The following OR1J1 variants were observed in gnomAD, a reference collection of about 807,000 sequenced individuals.
The protein encoded by OR1J1 is olfactory receptor 1J1.
For synonymous variants in OR1J1, 165 were observed against 157.2 expected, an observed-to-expected ratio of 1.05 and a Z score of -0.37; for missense variants, 392 against 393.9, an observed-to-expected ratio of 1.00 and a Z score of 0.04.
Position 122,477,114 on chromosome 9 carries a change from G to GTTCTTGTCA in OR1J1, c.804_812dup (p.Asp269_Asn271dup). ...CTGTGTATATCACTGAAGCAATTAT[G>GTTCTTGTCA]TTCTTGTCATTGGTGTTGCTGGATG... On this transcript the variant is annotated inframe_insertion, in exon 1 of 1. Transcript: ENST00000259357. 1 of 1,613,856 alleles carries GTTCTTGTCA rather than the reference G, an allele frequency of 6.2e-7. No homozygotes were observed. The highest frequency in any genetic ancestry group is 8.5e-7 in the Non-Finnish European group (1 of 1,179,724).
In OR1J1 at chr9:122,477,467, C is replaced by A. The variant is rs774300824; in HGVS notation, c.460G>T (p.Ala154Ser). The A allele has an allele frequency of 6.2e-7, 1 of 1,613,954 alleles. No individual in the cohort carries two copies. The highest frequency in any genetic ancestry group is 2.2e-5 in the East Asian group (1 of 44,842). The change falls in exon 1 of 1, where the codon GCG becomes TCG. Residue 154 changes from alanine to serine, a missense_variant. Transcript: ENST00000259357. ...LVAGSWVIAC[A>S]CALLHTLLLA... ...AGGAGGGTATGCAAAAGAGCACACG[C>A]ACAAGCGATGACCCAGGACCCAGCC...
chr9:122,477,182 T>A lies in OR1J1; in HGVS notation c.745A>T (p.Thr249Ser). Residue 249 changes from threonine (T) to serine (S), a missense_variant, in exon 1 of 1, where the codon ACT (threonine) becomes TCT (serine). Thr to Ser is a moderately conservative substitution (Grantham distance 58, BLOSUM62 1). Coordinates refer to ENST00000259357, the MANE Select transcript of OR1J1 (RefSeq NM_001004451.1). ...STCGSHLSVVTIYYRTIIGLY... is the reference protein window; with the variant it reads ...STCGSHLSVVSIYYRTIIGLY... Reference sequence around the variant, plus strand: ...CCAATAATTGTCCGATAATAGATAGTCACCACTGAGAGGTGGGATCCACAA... The same window carrying A: ...CCAATAATTGTCCGATAATAGATAGACACCACTGAGAGGTGGGATCCACAA... 1.2e-6 allele frequency: 2 copies of A among 1,614,202 alleles called. No individual in the cohort carries two copies. Among genetic ancestry groups the A allele is most frequent in the East Asian group, 2.2e-5 (1 of 44,888 alleles).
Position 122,477,615 on chromosome 9 carries a change from G to A in OR1J1, c.312C>T (p.Phe104=), listed in dbSNP as rs1839586761. The change falls in exon 1 of 1, where the codon TTC becomes TTT. Residue 104 remains phenylalanine (F), a synonymous_variant. Transcript: ENST00000259357. The part of the protein sequence containing the change: ...YKGCISQTYF[F]IFFADLDSFL... ...AACTGTCTAAGTCAGCAAAAAATAT[G>A]AAAAAATATGTCTGTGAAATGCATC... The A allele has an allele frequency of 6.2e-7, 1 of 1,614,046 alleles. No individual in the cohort carries two copies.
In OR1J1 at chr9:122,477,234, G is replaced by GGT. The variant is rs768922106; in HGVS notation, c.691_692dup (p.Lys232ProfsTer18). 2 of 1,613,752 alleles carry GGT rather than the reference G, an allele frequency of 1.2e-6. No homozygotes were observed. The highest frequency in any genetic ancestry group is 2.2e-5 in the East Asian group (1 of 44,856). ...TGGACAAGGCTTTGCATATGCCCTT[G>GGT]GTAGAGGGAATCTGGAGGATGGTGA... On this transcript the variant is annotated frameshift_variant, in exon 1 of 1. Coordinates refer to ENST00000259357, the MANE Select transcript of OR1J1 (RefSeq NM_001004451.1). LOFTEE classifies it low-confidence loss of function (END_TRUNC).
At position 122,477,366 on chromosome 9, in the gene OR1J1, C is replaced by A; in HGVS notation, c.561G>T (p.Leu187Phe). 1 of 1,614,058 alleles carries A rather than the reference C, an allele frequency of 6.2e-7. No individual in the cohort carries two copies. The highest frequency in any genetic ancestry group is 8.5e-7 in the Non-Finnish European group (1 of 1,179,956). The change falls in exon 1 of 1, where the codon TTG (leucine) becomes TTT (phenylalanine). Residue 187 changes from leucine (L) to phenylalanine (F), a missense_variant. Transcript: ENST00000259357. ...GATTGAGGGAGGTGTCTGAGCAGGA[C>A]AACTTGAGCAGGGCACCAAGGTCAC... ...YFCDLGALLK[L>F]SCSDTSLNQL...
In OR1J1 at chr9:122,477,295, A is replaced by C. The variant is rs766152349; in HGVS notation, c.632T>G (p.Phe211Cys). 3 of 1,614,192 alleles carry C rather than the reference A, an allele frequency of 1.9e-6. No homozygotes were observed. In the South Asian group the frequency reaches 3.3e-5, roughly 18 times the overall value. ...ACCATAAGAAACCAGGATGCACAGG[A>C]ATGGAAGCATAATGGCTGTCAATGC... ...TAALTAIMLP[F>C]LCILVSYGHI... Residue 211 changes from phenylalanine to cysteine, a missense_variant, in exon 1 of 1, where the codon TTC becomes TGC. Transcript: ENST00000259357.
In OR1J1 at chr9:122,477,836, A is replaced by G. The variant is rs1192880108; in HGVS notation, c.91T>C (p.Phe31Leu). The change falls in exon 1 of 1, where the codon TTC (phenylalanine) becomes CTC (leucine). Residue 31 changes from phenylalanine to leucine, a missense_variant. By Grantham distance (22) the Phe-to-Leu change is conservative (BLOSUM62 0). Transcript: ENST00000259357. ...PEQQAVFFAL[F>L]LGMYLTTVLG... ...ACCGTGGTCAGGTACATGCCCAGGA[A>G]CAGGGCGAAGAACACGGCCTGCTGC... The G allele has an allele frequency of 2.5e-6, 4 of 1,614,026 alleles. No individual in the cohort carries two copies. Among genetic ancestry groups the G allele is most frequent in the South Asian group, 2.2e-5 (2 of 91,072 alleles).
Position 122,477,273 on chromosome 9 carries a change from A to G in OR1J1, c.654T>C (p.Tyr218=), listed in dbSNP as rs1418877435. The change falls in exon 1 of 1, where the codon TAT becomes TAC. Residue 218 remains tyrosine, a synonymous_variant. Coordinates refer to ENST00000259357, the MANE Select transcript of OR1J1 (RefSeq NM_001004451.1). ...GGAGGATGGTGACCCCAATGTGACC[A>G]TAAGAAACCAGGATGCACAGGAATG... The part of the protein sequence containing the change: ...MLPFLCILVS[Y]GHIGVTILQI... 5.6e-6 allele frequency: 9 copies of G among 1,614,098 alleles called. No homozygotes were observed. In the Admixed American group the frequency reaches 1.0e-4, roughly 18 times the overall value.
rs771636761 is a variant in OR1J1 at position 122,477,126 on chromosome 9, G to A, written c.801C>T (p.Thr267=). 4 of 1,613,768 alleles carry A rather than the reference G, an allele frequency of 2.5e-6. No individual in the cohort carries two copies. In the African/African-American group the frequency reaches 5.3e-5, roughly 22 times the overall value. ...GLYFLPPSSN[T]NDKNIIASVI... is the part of the protein sequence containing the mutation. ...CTGAAGCAATTATGTTCTTGTCATT[G>A]GTGTTGCTGGATGGGGGAAGAAAAT... Residue 267 remains threonine, a synonymous_variant, in exon 1 of 1, where the codon ACC becomes ACT. Transcript: ENST00000259357.
In OR1J1 at chr9:122,477,207, A is replaced by C; in HGVS notation, c.720T>G (p.Thr240=). Reference sequence around the variant, plus strand: ...TCACCACTGAGAGGTGGGATCCACAAGTGGACAAGGCTTTGCATATGCCCT... The same window carrying C: ...TCACCACTGAGAGGTGGGATCCACACGTGGACAAGGCTTTGCATATGCCCT... The part of the protein sequence containing the change: ...STKGICKALS[T]CGSHLSVVTI... The change falls in exon 1 of 1, where the codon ACT becomes ACG. Residue 240 remains threonine, a synonymous_variant. Transcript: ENST00000259357. 1 of 1,614,198 alleles carries C rather than the reference A, an allele frequency of 6.2e-7. No homozygotes were observed. The highest frequency in any genetic ancestry group is 1.1e-5 in the South Asian group (1 of 91,090).
chr9:122,477,022 C>CT lies in OR1J1; in HGVS notation c.904dup (p.Arg302LysfsTer6). On this transcript the variant is annotated frameshift_variant, in exon 1 of 1. Coordinates refer to ENST00000259357, the MANE Select transcript of OR1J1 (RefSeq NM_001004451.1). LOFTEE classifies it high-confidence loss of function. ...TGCGCCTGACCTACTCAAGAGTTTT[C>CT]TTAGGGCTCCCTTAATGTCTTTATT... 6.2e-7 allele frequency: 1 copy of CT among 1,613,670 alleles called. No individual in the cohort carries two copies. The highest frequency in any genetic ancestry group is 8.5e-7 in the Non-Finnish European group (1 of 1,179,650).
At position 122,477,344 on chromosome 9, in the gene OR1J1, T is replaced by A. The variant is rs1175668245; in HGVS notation, c.583A>T (p.Asn195Tyr). Residue 195 changes from asparagine to tyrosine, a missense_variant, in exon 1 of 1, where the codon AAT becomes TAT. By Grantham distance (143) the Asn-to-Tyr change is moderately radical. Coordinates refer to ENST00000259357, the MANE Select transcript of OR1J1 (RefSeq NM_001004451.1). ...LKLSCSDTSLNQLAIFTAALT... is the reference protein window; with the variant it reads ...LKLSCSDTSLYQLAIFTAALT... Reference sequence around the variant, plus strand: ...GCTGCTGTAAAGATTGCTAACTGATTGAGGGAGGTGTCTGAGCAGGACAAC... The same window carrying A: ...GCTGCTGTAAAGATTGCTAACTGATAGAGGGAGGTGTCTGAGCAGGACAAC... 6.2e-7 allele frequency: 1 copy of A among 1,614,010 alleles called. No individual in the cohort carries two copies. The highest frequency in any genetic ancestry group is 8.5e-7 in the Non-Finnish European group (1 of 1,179,946).
Position 122,477,167 on chromosome 9 carries a change from T to C in OR1J1, c.760A>G (p.Thr254Ala), listed in dbSNP as rs775812484. 5 of 1,614,154 alleles carry C rather than the reference T, an allele frequency of 3.1e-6. No individual in the cohort carries two copies. The highest frequency in any genetic ancestry group is 4.2e-6 in the Non-Finnish European group (5 of 1,180,018). The change falls in exon 1 of 1, where the codon ACA (threonine) becomes GCA (alanine). Residue 254 changes from threonine (T) to alanine (A), a missense_variant. By Grantham distance (58) the Thr-to-Ala change is moderately conservative. Coordinates refer to ENST00000259357, the MANE Select transcript of OR1J1 (RefSeq NM_001004451.1). ...HLSVVTIYYR[T>A]IIGLYFLPPS... is the part of the protein sequence containing the mutation. ...GGAAGAAAATAGAGACCAATAATTG[T>C]CCGATAATAGATAGTCACCACTGAG...
Position 122,477,857 on chromosome 9 carries a change from G to A in OR1J1, c.70C>T (p.Gln24Ter), listed in dbSNP as rs1295817901. 1 of 1,614,022 alleles carries A rather than the reference G, an allele frequency of 6.2e-7. No individual in the cohort carries two copies. Among genetic ancestry groups the A allele is most frequent in the South Asian group, 1.1e-5 (1 of 91,072 alleles). The part of the protein sequence containing the change: ...LLGLPIRPEQ[Q>*]AVFFALFLGM... ...AGGAACAGGGCGAAGAACACGGCCTGCTGCTCTGGCCGGATGGGGAGGCCC... is the reference window on the plus strand; with the variant it reads ...AGGAACAGGGCGAAGAACACGGCCTACTGCTCTGGCCGGATGGGGAGGCCC... Residue 24 changes from glutamine (Q) to a stop codon, truncating the protein, a stop_gained, in exon 1 of 1, where the codon CAG becomes TAG. Transcript: ENST00000259357. LOFTEE classifies it low-confidence loss of function (END_TRUNC).
rs761168903 is a variant in OR1J1, at chr9:122,477,843, G to A, written c.84C>T (p.Phe28=). Residue 28 remains phenylalanine (F), a synonymous_variant, in exon 1 of 1, where the codon TTC becomes TTT. Coordinates refer to ENST00000259357, the MANE Select transcript of OR1J1 (RefSeq NM_001004451.1). ...PIRPEQQAVF[F]ALFLGMYLTT... ...TCAGGTACATGCCCAGGAACAGGGC[G>A]AAGAACACGGCCTGCTGCTCTGGCC... 1.3e-5 allele frequency: 21 copies of A among 1,613,922 alleles called. No homozygotes were observed. The highest frequency in any genetic ancestry group is 1.7e-4 in the Middle Eastern group (1 of 6,026).
Position 122,477,635 on chromosome 9 carries a change from T to G in OR1J1, c.292A>C (p.Ile98Leu), listed in dbSNP as rs1839587938. 6.2e-7 allele frequency: 1 copy of G among 1,614,084 alleles called. No individual in the cohort carries two copies. The highest frequency in any genetic ancestry group is 8.5e-7 in the Non-Finnish European group (1 of 1,180,044). The change falls in exon 1 of 1, where the codon ATT becomes CTT. Residue 98 changes from isoleucine (I) to leucine (L), a missense_variant. Transcript: ENST00000259357. ...AATATGAAAAAATATGTCTGTGAAA[T>G]GCATCCCTTGTAAAAGACGGCTAGG... The part of the protein sequence containing the change: ...QHLAVFYKGC[I>L]SQTYFFIFFA...
In OR1J1 at chr9:122,477,627, C is replaced by T; in HGVS notation, c.300G>A (p.Gln100=). 2 of 1,614,208 alleles carry T rather than the reference C, an allele frequency of 1.2e-6. No individual in the cohort carries two copies. The highest frequency in any genetic ancestry group is 1.7e-6 in the Non-Finnish European group (2 of 1,180,036). Residue 100 remains glutamine (Q), a synonymous_variant, in exon 1 of 1, where the codon CAG becomes CAA. Transcript: ENST00000259357. ...CAGCAAAAAATATGAAAAAATATGT[C>T]TGTGAAATGCATCCCTTGTAAAAGA... ...LAVFYKGCIS[Q]TYFFIFFADL...
At position 122,477,676 on chromosome 9, in the gene OR1J1, T is replaced by G; in HGVS notation, c.251A>C (p.Asn84Thr). ...GACGGCTAGGTGCTGAGTCTGCATG[T>G]TCATCAGCATCTTAGGGACAGTGAC... ...SSVTVPKMLM[N>T]MQTQHLAVFY... The change falls in exon 1 of 1, where the codon AAC becomes ACC. Residue 84 changes from asparagine (N) to threonine (T), a missense_variant. Asn to Thr is a moderately conservative substitution (Grantham distance 65, BLOSUM62 0). Transcript: ENST00000259357. 3 of 1,614,158 alleles carry G rather than the reference T, an allele frequency of 1.9e-6. No homozygotes were observed. The highest frequency in any genetic ancestry group is 2.5e-6 in the Non-Finnish European group (3 of 1,180,024).
At position 122,477,567 on chromosome 9, in the gene OR1J1, A is replaced by T. The variant is rs1648583676; in HGVS notation, c.360T>A (p.Tyr120Ter). ...LDSFLITSMA[Y>*]DRYVAICHPL... ...GATGACAGATGGCCACATACCTGTC[A>T]TATGCCATTGAAGTGATAAGGAAAC... The change falls in exon 1 of 1, where the codon TAT (tyrosine) becomes TAA (stop). Residue 120 changes from tyrosine (Y) to a stop codon, truncating the protein, a stop_gained. Transcript: ENST00000259357. LOFTEE classifies it low-confidence loss of function (END_TRUNC). 1 of 1,614,218 alleles carries T rather than the reference A, an allele frequency of 6.2e-7. No homozygotes were observed.
Sources: allele counts gnomAD v4.1 joint callset, GRCh38; gene constraint gnomAD v4.1.1; transcripts MANE v1.5; gene names NCBI Gene and HGNC (gene_info 2026-07-23, HGNC 2026-07-21).